Variants in COMMD9 observed in about 807,000 individuals in gnomAD.
COMMD9 encodes COMM domain-containing protein 9.
COMMD9 carries 22 observed loss-of-function variants against 23.4 expected under a neutral mutation model. The observed-to-expected ratio is 0.94, with a 90% CI of 0.67 to 1.34. The LOEUF (loss-of-function observed/expected upper bound fraction) is 1.34, where lower values mean the gene tolerates loss of function less well. Ranked by LOEUF, COMMD9 falls within the 40% of genes most tolerant of loss-of-function variation. COMMD9 has a pLI of 0.00. For synonymous variants in COMMD9, 99 were observed against 97.4 expected, an observed-to-expected ratio of 1.02 and a Z score of -0.10; for missense variants, 231 against 240.2, an observed-to-expected ratio of 0.96 and a Z score of 0.25.
In COMMD9 at chr11:36,276,558, A is replaced by C. The variant is rs563533241; in HGVS notation, c.353-318T>G. The stretch of plus-strand genomic sequence containing the variant: ...AAGAAATCATGGCCTGAGCCTTAGG[A>C]AATGTGTAGCTTCAGCAATAGTGGT... On this transcript the variant is annotated intron_variant, in intron 4 of 5. Transcript: ENST00000263401. 6 of 281,212 alleles carry C rather than the reference A, an allele frequency of 2.1e-5. No homozygotes were observed. In the East Asian group the frequency reaches 3.8e-4, roughly 18 times the overall value. The allele number at this position is 281,212 out of a possible 1,614,324, so 17.4% of individuals were successfully genotyped here.
Position 36,272,575 on chromosome 11 carries a change from C to T in COMMD9, c.*2057G>A, listed in dbSNP as rs2133419301. On this transcript the variant is annotated 3_prime_UTR_variant, in exon 6 of 6. Transcript: ENST00000263401. ...CTCAACTGGAGGGTATGACCAGGGGCTCTCAACTTGGAAGTAGCGGGCTGG... is the reference window on the plus strand; with the variant it reads ...CTCAACTGGAGGGTATGACCAGGGGTTCTCAACTTGGAAGTAGCGGGCTGG... 1 of 152,354 alleles carries T rather than the reference C, an allele frequency of 6.6e-6. No homozygotes were observed. Among genetic ancestry groups the T allele is most frequent in the East Asian group, 1.9e-4 (1 of 5,190 alleles). 9.4% of individuals were successfully genotyped at this position (152,354 alleles called of 1,614,324 possible).
At chr11:36,281,382 C>T (rs1241178922) in intron 1 of COMMD9, among the ~76,000 whole-genome samples, 1 of 152,204 alleles carries the variant, frequency 6.6e-6, no homozygotes, top group Admixed American at 6.5e-5. Context: ...AGGCCTAGAC[C>T]TGAGTAAGAA....
At chr11:36,282,425 A>C (rs983313118) in intron 1 of COMMD9, among the ~76,000 whole-genome samples, 1 of 151,998 alleles carries the variant, frequency 6.6e-6, no homozygotes, top group Admixed American at 6.6e-5. Context: ...TTACCTATTT[A>C]AAAAAAACAA....
At position 36,274,763 on chromosome 11, in the gene COMMD9, C is replaced by A. The variant is rs1427185729; in HGVS notation, c.466G>T (p.Asp156Tyr). 2 of 1,614,138 alleles carry A rather than the reference C, an allele frequency of 1.2e-6. No homozygotes were observed. Among genetic ancestry groups the A allele is most frequent in the African/African-American group, 1.3e-5 (1 of 74,954 alleles). The stretch of plus-strand genomic sequence containing the variant: ...GGTTTGTCTCCGCATAGGCTGGGAT[C>A]TTCTTGGATCTGAAACGAGAACACA... ...TCLLQMKIQEDPSLCGDKPSI... is the reference protein window; with the variant it reads ...TCLLQMKIQEYPSLCGDKPSI... The change falls in exon 6 of 6, where the codon GAT becomes TAT. Residue 156 changes from aspartate to tyrosine, a missense_variant. Asp to Tyr is a radical substitution (Grantham distance 160). Coordinates refer to ENST00000263401, the MANE Select transcript of COMMD9 (RefSeq NM_014186.4).
chr11:36,286,705 T>C (rs11033526), intron 1 of COMMD9, among the ~76,000 whole-genome samples: 6,169 of 152,214 alleles, frequency 0.041, 343 homozygotes, highest in East Asian at 0.17. Flanking sequence ...ACAACACTGT[T>C]GGACAATCAT....
At chr11:36,283,209 A>C (rs1048568198) in intron 1 of COMMD9, among the ~76,000 whole-genome samples, 2 of 152,344 alleles carry the variant, frequency 1.3e-5, no homozygotes, top group Admixed American at 6.5e-5. Context: ...ACAACGCTTC[A>C]CCAACCATCT....
At chr11:36,286,285 C>T (rs969854485) in intron 1 of COMMD9, among the ~76,000 whole-genome samples, 9 of 151,206 alleles carry the variant, frequency 6.0e-5, no homozygotes, top group East Asian at 2.0e-4. Context: ...CATGGTGGCT[C>T]ACATCTATAA....
Position 36,280,829 on chromosome 11 carries a change from CGAG to C in COMMD9, c.57_59del (p.Ser20del), listed in dbSNP as rs748453608. On this transcript the variant is annotated inframe_deletion, in exon 2 of 6. Transcript: ENST00000263401. ...GACACAGCTGTCTGACAACATCTTTCGAGGAGGCCTATGAATTAAATCACAGAT... is the reference window on the plus strand; with the variant it reads ...GACACAGCTGTCTGACAACATCTTTCGAGGCCTATGAATTAAATCACAGAT... 8.9e-6 allele frequency: 14 copies of C among 1,576,132 alleles called. No individual in the cohort carries two copies. The highest frequency in any genetic ancestry group is 1.2e-5 in the Non-Finnish European group (14 of 1,161,314).
chr11:36,274,543 C>A lies in COMMD9; in HGVS notation c.*89G>T. ...TCCCCACCATCCTGCCTGTTGTCAG[C>A]TGCAGCTGCAAGGGCAGCCTGCATA... On this transcript the variant is annotated 3_prime_UTR_variant, in exon 6 of 6. Coordinates refer to ENST00000263401, the MANE Select transcript of COMMD9 (RefSeq NM_014186.4). The A allele has an allele frequency of 6.6e-7, 1 of 1,526,134 alleles. No individual in the cohort carries two copies. The highest frequency in any genetic ancestry group is 9.0e-7 in the Non-Finnish European group (1 of 1,112,506). The allele number at this position is 1,526,134 out of a possible 1,614,324, so 94.5% of individuals were successfully genotyped here.
Position 36,273,655 on chromosome 11 carries a change from G to A in COMMD9, c.*977C>T, listed in dbSNP as rs1855916858. On this transcript the variant is annotated 3_prime_UTR_variant, in exon 6 of 6. Coordinates refer to ENST00000263401, the MANE Select transcript of COMMD9 (RefSeq NM_014186.4). ...CGCCACCGCGCCCAGCTAATTTTTTGTATTTTTAGTAGAGATGGGGTTTCA... is the reference window on the plus strand; with the variant it reads ...CGCCACCGCGCCCAGCTAATTTTTTATATTTTTAGTAGAGATGGGGTTTCA... The A allele has an allele frequency of 6.6e-6, 1 of 152,194 alleles. No homozygotes were observed. The highest frequency in any genetic ancestry group is 2.4e-5 in the African/African-American group (1 of 41,400). The allele number at this position is 152,194 out of a possible 1,614,324, so 9.4% of individuals were successfully genotyped here.
rs898929994 is a variant in COMMD9, at chr11:36,275,060, T to C, written c.457-288A>G. Among the ~76,000 whole-genome samples the C allele has an allele frequency of 8.5e-5, 13 of 152,246 alleles. 1 individual carries two copies. The highest frequency in any genetic ancestry group is 3.9e-4 in the Admixed American group (6 of 15,282). On this transcript the variant is annotated intron_variant, in intron 5 of 5. Coordinates refer to ENST00000263401, the MANE Select transcript of COMMD9 (RefSeq NM_014186.4). ...CTCTCTGATACCCTAACTCTCAGCA[T>C]TCAAGCAAGAAAACATTACGTGTGT... is the stretch of plus-strand genomic sequence containing the variant.
intron 1 of COMMD9, among the ~76,000 whole-genome samples, chr11:36,289,083 C>T (rs1390051432): frequency 6.6e-6 from 1 of 152,114 alleles, no homozygotes. Flanking sequence ...TTCAATGCAC[C>T]AATACCGAAA....
In COMMD9 at chr11:36,276,121, A is replaced by G. The variant is rs1421072400; in HGVS notation, c.456+16T>C. The stretch of plus-strand genomic sequence containing the variant: ...GGTGCTGCCTCTTCTTTCTAATGGC[A>G]TGATAGTGAATGTACCTTCATCTGG... On this transcript the variant is annotated intron_variant, in intron 5 of 5. Coordinates refer to ENST00000263401, the MANE Select transcript of COMMD9 (RefSeq NM_014186.4). 4.4e-6 allele frequency: 7 copies of G among 1,585,556 alleles called. No homozygotes were observed. Among genetic ancestry groups the G allele is most frequent in the Non-Finnish European group, 6.1e-6 (7 of 1,154,068 alleles).
At chr11:36,288,406 A>C (rs1387518063) in intron 1 of COMMD9, among the ~76,000 whole-genome samples, 1 of 151,700 alleles carries the variant, frequency 6.6e-6, no homozygotes, top group African/African-American at 2.4e-5. Flanking sequence ...TCCCTGATGG[A>C]TCTTACATTC....
At position 36,274,215 on chromosome 11, in the gene COMMD9, T is replaced by C. The variant is rs996625528; in HGVS notation, c.*417A>G. On this transcript the variant is annotated 3_prime_UTR_variant, in exon 6 of 6. Coordinates refer to ENST00000263401, the MANE Select transcript of COMMD9 (RefSeq NM_014186.4). ...TGCTGGCATCACCTGTCCGATTCCC[T>C]CCATGTGTTCTGGGATTGGAAATGA... is the stretch of plus-strand genomic sequence containing the variant. 2 of 456,898 alleles carry C rather than the reference T, an allele frequency of 4.4e-6. No individual in the cohort carries two copies. Among genetic ancestry groups the C allele is most frequent in the African/African-American group, 4.0e-5 (2 of 50,152 alleles). 28.3% of individuals were successfully genotyped at this position (456,898 alleles called of 1,614,324 possible). A position where few individuals can be genotyped will look rare whatever the true frequency, so the allele number is the denominator to read the frequency against.
At chr11:36,285,159 T>G (rs997363407) in intron 1 of COMMD9, among the ~76,000 whole-genome samples, 1 of 152,148 alleles carries the variant, frequency 6.6e-6, no homozygotes, top group South Asian at 2.1e-4. Context: ...TTATCAGTAT[T>G]AGGAATGAAA....
chr11:36,282,698 A>G (rs1386491500), intron 1 of COMMD9, among the ~76,000 whole-genome samples: 1 of 152,216 alleles, frequency 6.6e-6, no homozygotes, highest in Non-Finnish European at 1.5e-5. Context: ...ACCATGGAAC[A>G]CCAGTGTACT....
In COMMD9 at chr11:36,286,443, A is replaced by AG. The variant is rs149283001; in HGVS notation, c.51+2918_51+2919insC. ...GAAAGAAAGAAAGAAAGAAAAGAAA[A>AG]AAAAAATCAGCCTGGAGGGGTGGTG... On this transcript the variant is annotated intron_variant, in intron 1 of 5. Coordinates refer to ENST00000263401, the MANE Select transcript of COMMD9 (RefSeq NM_014186.4). Among the ~76,000 whole-genome samples, 97 of 148,946 alleles carry AG rather than the reference A, an allele frequency of 6.5e-4. No individual in the cohort carries two copies. In the East Asian group the frequency reaches 7.0e-3, roughly 11 times the overall value.
intron 2 of COMMD9, among the ~76,000 whole-genome samples, chr11:36,280,490 T>C (rs1461571643): frequency 6.6e-6 from 1 of 152,218 alleles, no homozygotes; most frequent in Non-Finnish European, 1.5e-5. Context: ...CACAGAAAGG[T>C]TGGCTTTTGT....
Sources: allele counts gnomAD v4.1 joint callset (sites outside exome capture counted in the v4.1 genomes callset), GRCh38; gene constraint gnomAD v4.1.1; transcripts MANE v1.5; gene names NCBI Gene and HGNC (gene_info 2026-07-23, HGNC 2026-07-21).